VIT: variants seen among roughly 807,000 people sequenced by gnomAD.
VIT encodes vitrin.
VIT carries 99 observed loss-of-function variants against 78.0 expected under a neutral mutation model. The ratio of observed to expected loss-of-function variants is 1.27; its 90% CI spans 1.08 to 1.50. The LOEUF is 1.50. Among genes scored for constraint, VIT ranks in the 40% most tolerant of loss-of-function variants. The pLI, the probability that VIT is intolerant of heterozygous loss-of-function variation, is 0.00. For missense variants in VIT, 1,126 were observed against 875.3 expected, an observed-to-expected ratio of 1.29 and a Z score of -3.61; for synonymous variants, 374 against 334.3, an observed-to-expected ratio of 1.12 and a Z score of -1.29.
chr2:36,712,708 C>T (rs1483700615), intron 1 of VIT, among the ~76,000 whole-genome samples: 1 of 151,980 alleles, frequency 6.6e-6, no homozygotes, highest in Admixed American at 6.6e-5. Flanking sequence ...TGGTGGCAGG[C>T]GCCTGTAATC....
At chr2:36,780,698 C>A (rs1208064934) in intron 9 of VIT, among the ~76,000 whole-genome samples, 1 of 152,134 alleles carries the variant, frequency 6.6e-6, no homozygotes, top group East Asian at 1.9e-4. Flanking sequence ...AGAAAAATAT[C>A]ACCCTTTTTT....
chr2:36,738,101 TAAAC>T lies in VIT; in HGVS notation c.119-4997_119-4994del, dbSNP rs1458430098. Among the ~76,000 whole-genome samples the T allele has an allele frequency of 5.3e-5, 8 of 152,302 alleles. 1 individual carries two copies. In the East Asian group the frequency reaches 1.5e-3, roughly 29 times the overall value. Reference sequence around the variant, plus strand: ...GCACAGATGCATGCATGTATTCACATAAACACACACACACATGCATACACACAAC... The same window carrying T: ...GCACAGATGCATGCATGTATTCACATACACACACACATGCATACACACAAC... On this transcript the variant is annotated intron_variant, in intron 3 of 15. Coordinates refer to ENST00000379242, the MANE Select transcript of VIT (RefSeq NM_053276.4).
intron 11 of VIT, among the ~76,000 whole-genome samples, chr2:36,786,559 A>G (rs965692366): frequency 1.1e-4 from 16 of 152,264 alleles, no homozygotes; most frequent in African/African-American, 3.9e-4. Context: ...TCGGATAGCT[A>G]CGAACAAGGG....
intron 9 of VIT, among the ~76,000 whole-genome samples, chr2:36,778,637 C>T (rs189168770): frequency 2.0e-5 from 3 of 152,300 alleles, no homozygotes; most frequent in South Asian, 4.1e-4. Context: ...TGGCTTACGC[C>T]CAGGACCCCA....
intron 4 of VIT, among the ~76,000 whole-genome samples, chr2:36,751,346 A>C (rs1279049086): frequency 6.6e-6 from 1 of 152,220 alleles, no homozygotes; most frequent in Non-Finnish European, 1.5e-5. Context: ...CAGTGAGCTG[A>C]GATCTCGCCA....
chr2:36,743,195 C>T lies in VIT; in HGVS notation c.214C>T (p.His72Tyr), dbSNP rs1247413259. Reference sequence around the variant, plus strand: ...AGCAGGATGCCAAGACCCCAAATACCATGTTTATGGCACTGACGTGTATGC... The same window carrying T: ...AGCAGGATGCCAAGACCCCAAATACTATGTTTATGGCACTGACGTGTATGC... ...CPAGCQDPKYHVYGTDVYASY... is the reference protein window; with the variant it reads ...CPAGCQDPKYYVYGTDVYASY... Residue 72 changes from histidine to tyrosine, a missense_variant, in exon 4 of 16, where the codon CAT (histidine) becomes TAT (tyrosine). Transcript: ENST00000379242. 6.2e-7 allele frequency: 1 copy of T among 1,613,934 alleles called. No homozygotes were observed. The highest frequency in any genetic ancestry group is 1.3e-5 in the African/African-American group (1 of 74,884).
chr2:36,738,549 C>A (rs930735047), intron 3 of VIT, among the ~76,000 whole-genome samples: 1 of 152,196 alleles, frequency 6.6e-6, no homozygotes, highest in Non-Finnish European at 1.5e-5. Flanking sequence ...TCCATCCATT[C>A]ATTTATTCAT....
chr2:36,704,983 C>G (rs1454853118), intron 1 of VIT, among the ~76,000 whole-genome samples: 1 of 152,162 alleles, frequency 6.6e-6, no homozygotes, highest in East Asian at 1.9e-4. Flanking sequence ...TGAGCAGAAC[C>G]AAACACCCAG....
In VIT at chr2:36,814,448, C is replaced by T; in HGVS notation, c.*87C>T. The stretch of plus-strand genomic sequence containing the variant: ...ACCGCTTAATGGGGCACGCACGGTG[C>T]ATCAAGTCTTGGGCAGGGCATGGAG... On this transcript the variant is annotated 3_prime_UTR_variant, in exon 16 of 16. Transcript: ENST00000379242. The T allele has an allele frequency of 2.7e-6, 4 of 1,483,642 alleles. No homozygotes were observed. 91.9% of individuals were successfully genotyped at this position (1,483,642 alleles called of 1,614,324 possible).
At chr2:36,797,687 G>A (rs1272806163) in intron 12 of VIT, among the ~76,000 whole-genome samples, 1 of 152,196 alleles carries the variant, frequency 6.6e-6, no homozygotes, top group Non-Finnish European at 1.5e-5. Flanking sequence ...GACAGCTTTT[G>A]GCACATGAAT....
chr2:36,748,262 G>A (rs138478749), intron 4 of VIT, among the ~76,000 whole-genome samples: 52 of 152,230 alleles, frequency 3.4e-4, no homozygotes, highest in African/African-American at 1.2e-3. Flanking sequence ...GAATTTGTAT[G>A]TTGACCTCTC....
chr2:36,779,279 G>A (rs1442431626), intron 9 of VIT, among the ~76,000 whole-genome samples: 1 of 152,180 alleles, frequency 6.6e-6, no homozygotes, highest in Non-Finnish European at 1.5e-5. Context: ...CACTCCCTGT[G>A]CATGAGTTTC....
Position 36,737,452 on chromosome 2 carries a change from A to G in VIT, c.119-5648A>G, listed in dbSNP as rs563913587. ...GACAACAATCAGTGAGATAAACACG[A>G]TATTCTCCACAGGCAGTAGAGCTAC... is the stretch of plus-strand genomic sequence containing the variant. On this transcript the variant is annotated intron_variant, in intron 3 of 15. Coordinates refer to ENST00000379242, the MANE Select transcript of VIT (RefSeq NM_053276.4). Among the ~76,000 whole-genome samples, 8 of 152,356 alleles carry G rather than the reference A, an allele frequency of 5.3e-5. No homozygotes were observed. In the South Asian group the frequency reaches 8.3e-4, roughly 16 times the overall value.
chr2:36,801,093 A>C (rs1445306847), intron 12 of VIT, among the ~76,000 whole-genome samples: 1 of 152,200 alleles, frequency 6.6e-6, no homozygotes, highest in Non-Finnish European at 1.5e-5. Context: ...ACAGCCAGGA[A>C]ATGGCACAGT....
chr2:36,703,609 G>C (rs1354899966), intron 1 of VIT, among the ~76,000 whole-genome samples: 1 of 152,194 alleles, frequency 6.6e-6, no homozygotes, highest in African/African-American at 2.4e-5. Context: ...GTGTGAGACA[G>C]AGTTGTGAGT....
chr2:36,729,632 T>C (rs1573169503), intron 3 of VIT, 141 bp downstream of exon 3: 1 of 835,588 alleles, frequency 1.2e-6, no homozygotes, highest in Non-Finnish European at 1.9e-6. Context: ...TAATTAGTGA[T>C]AAGTCTTATC....
chr2:36,777,033 G>A (rs544959574), intron 9 of VIT, among the ~76,000 whole-genome samples: 31 of 144,670 alleles, frequency 2.1e-4, no homozygotes, highest in African/African-American at 6.2e-4. Flanking sequence ...AGCTTGCAGT[G>A]AGCCGAGATC....
At position 36,787,130 on chromosome 2, in the gene VIT, C is replaced by G. The variant is rs1665153579; in HGVS notation, c.912C>G (p.Asn304Lys). 1 of 1,614,056 alleles carries G rather than the reference C, an allele frequency of 6.2e-7. No individual in the cohort carries two copies. The highest frequency in any genetic ancestry group is 8.5e-7 in the Non-Finnish European group (1 of 1,180,036). Reference protein sequence around the residue: ...SLEPVSLGDPNCKIDLSFLID... With the variant: ...SLEPVSLGDPKCKIDLSFLID... Reference sequence around the variant, plus strand: ...ATAGAGTCTTTTTCCGTTCCGCAGACTGCAAAATTGACTTGTCGTTTTTAA... The same window carrying G: ...ATAGAGTCTTTTTCCGTTCCGCAGAGTGCAAAATTGACTTGTCGTTTTTAA... The change falls in exon 12 of 16, where the codon AAC becomes AAG. Residue 304 changes from asparagine to lysine, a missense_variant and splice_region_variant. Coordinates refer to ENST00000379242, the MANE Select transcript of VIT (RefSeq NM_053276.4).
rs758182303 is a variant in VIT at position 36,758,976 on chromosome 2, A to C, written c.417A>C (p.Lys139Asn). 2 of 1,612,696 alleles carry C rather than the reference A, an allele frequency of 1.2e-6. No individual in the cohort carries two copies. The highest frequency in any genetic ancestry group is 1.7e-6 in the Non-Finnish European group (2 of 1,179,722). ...WRESFIVLES[K>N]PKKGVTYPSA... ...TTTTTCTCTTTTTTGCAGAAAGTAA[A>C]CCCAAAAAGGGTGTAACCTACCCAT... Residue 139 changes from lysine to asparagine, a missense_variant, in exon 6 of 16, where the codon AAA becomes AAC. Physicochemically the swap from Lys to Asn is moderately conservative, Grantham distance 94. Transcript: ENST00000379242.
Sources: allele counts gnomAD v4.1 joint callset (sites outside exome capture counted in the v4.1 genomes callset), GRCh38; gene constraint gnomAD v4.1.1; transcripts MANE v1.5; gene names NCBI Gene and HGNC (gene_info 2026-07-23, HGNC 2026-07-21).